The following CP variants were observed in gnomAD, a reference collection of about 807,000 sequenced individuals.
CP encodes caeruloplasmin.
A neutral mutation model predicts 122.4 loss-of-function variants in CP; 64 were observed. That is an observed-to-expected ratio of 0.52 (90% confidence interval 0.43 to 0.64). CP has a LOEUF of 0.64. CP is among the 30% of genes least tolerant of loss of function. CP has a pLI of 0.00. For synonymous variants in CP, 440 were observed against 436.4 expected (o/e 1.01, Z -0.10); for missense variants, 1,167 against 1,284.4 (o/e 0.91, Z 1.40).
Position 149,206,169 on chromosome 3 carries a change from T to A in CP, c.1207A>T (p.Ser403Cys). The A allele has an allele frequency of 6.2e-7, 1 of 1,613,740 alleles. No individual in the cohort carries two copies. The highest frequency in any genetic ancestry group is 8.5e-7 in the Non-Finnish European group (1 of 1,179,660). Residue 403 changes from serine to cysteine, a missense_variant and splice_region_variant, in exon 6 of 19, where the codon AGT becomes TGT. Physicochemically the swap from Ser to Cys is moderately radical, Grantham distance 112 (BLOSUM62 -1). This residue lies in a region of CP where 642 missense variants were observed against 627.3 expected (regional missense o/e 1.02). Transcript: ENST00000264613. ...FTKENLTAPG[S>C]DSAVFFEQGT... ...TAGTACTCTTTTTTTGTAAATTACC[T>A]TCCAGGTGCTGTTAAGTTTTCTTTA...
At chr3:149,213,647 T>C (rs1390933427) in intron 1 of CP, among the ~76,000 whole-genome samples, 1 of 151,084 alleles carries the variant, frequency 6.6e-6, no homozygotes, top group Admixed American at 6.6e-5. Flanking sequence ...TGTGTGTGTG[T>C]GTGTGTGTGT....
chr3:149,200,487 A>C (rs1727228685), intron 7 of CP, among the ~76,000 whole-genome samples: 1 of 152,018 alleles, frequency 6.6e-6, no homozygotes, highest in South Asian at 2.1e-4. Context: ...AGGGACAGAC[A>C]GTGAGTATTT....
downstream of CP, among the ~76,000 whole-genome samples, chr3:149,171,941 G>A (rs6773300): frequency 1.5e-4 from 23 of 151,930 alleles, no homozygotes; most frequent in African/African-American, 4.3e-4. Context: ...TCCTGACCTC[G>A]TGATCTGCCC....
chr3:149,188,013 A>G, intron 10 of CP, 39 bp downstream of exon 10: 2 of 1,608,526 alleles, frequency 1.2e-6, no homozygotes, highest in Non-Finnish European at 1.7e-6. Context: ...ATGCAGTACT[A>G]AAATAACTTG....
At chr3:149,206,424 C>G (rs1421755361) in intron 5 of CP, 85 bp from the exon 6 acceptor site, 1 of 1,488,772 alleles carries the variant, frequency 6.7e-7, no homozygotes, top group Non-Finnish European at 9.4e-7. Flanking sequence ...CGGGTGATGA[C>G]AAGTAGAAAT....
At chr3:149,220,160 T>C (rs1728712305) in intron 1 of CP, among the ~76,000 whole-genome samples, 1 of 152,080 alleles carries the variant, frequency 6.6e-6, no homozygotes, top group Non-Finnish European at 1.5e-5. Flanking sequence ...CTAAACAAAC[T>C]CCTTCACTCT....
Position 149,221,773 on chromosome 3 carries a change from C to A in CP, c.20G>T (p.Gly7Val), listed in dbSNP as rs1728829048. 1 of 1,608,660 alleles carries A rather than the reference C, an allele frequency of 6.2e-7. No homozygotes were observed. Among genetic ancestry groups the A allele is most frequent in the African/African-American group, 1.3e-5 (1 of 74,690 alleles). Residue 7 changes from glycine (G) to valine (V), a missense_variant, in exon 1 of 19, where the codon GGT (glycine) becomes GTT (valine). Gly to Val is a moderately radical substitution (Grantham distance 109). Transcript: ENST00000264613. The stretch of plus-strand genomic sequence containing the variant: ...GGTACTACATAAAAACAGAAAAATA[C>A]CAAGTATCAAAATCTTCATTTTTTT... MKILIL[G>V]IFLFLCSTPA...
chr3:149,176,539 T>C, intron 17 of CP, 127 bp from the exon 18 acceptor site: 1 of 762,042 alleles, frequency 1.3e-6, no homozygotes, highest in Admixed American at 2.3e-5. Flanking sequence ...TCGAGCTCGT[T>C]TCTGTGTTTA....
At chr3:149,218,527 C>T (rs772018120) in intron 1 of CP, among the ~76,000 whole-genome samples, 5 of 152,086 alleles carry the variant, frequency 3.3e-5, no homozygotes, top group Non-Finnish European at 7.4e-5. Context: ...ATACATTTTT[C>T]TCTTTTAATA....
In CP at chr3:149,204,252, C is replaced by G. The variant is rs547071246; in HGVS notation, c.1208+1916G>C. Among the ~76,000 whole-genome samples the G allele has an allele frequency of 2.0e-5, 3 of 152,262 alleles. No individual in the cohort carries two copies. The East Asian group carries it at 5.8e-4, about 29-fold the overall frequency. ...TTCAGGATTAGCATTTTAGGAGGAT[C>G]CCTCTGGCAGATGTTTGGAGAATGT... On this transcript the variant is annotated intron_variant, in intron 6 of 18. Transcript: ENST00000264613.
chr3:149,198,309 T>C, intron 9 of CP, 58 bp downstream of exon 9: 1 of 1,324,320 alleles, frequency 7.6e-7, no homozygotes, highest in Admixed American at 1.7e-5. Context: ...TTTCTATTTC[T>C]GTCAAATGAT....
Position 149,176,312 on chromosome 3 carries a change from C to G in CP, c.3119G>C (p.Cys1040Ser), listed in dbSNP as rs1030156688. 6.2e-7 allele frequency: 1 copy of G among 1,613,378 alleles called. No homozygotes were observed. Among genetic ancestry groups the G allele is most frequent in the African/African-American group, 1.3e-5 (1 of 74,982 alleles). ...PRTPGIWLLH[C>S]HVTDHIHAGM... is the part of the protein sequence containing the mutation. ...AGCATGAATGTGGTCGGTCACATGG[C>G]AGTGGAGTAACCAAATTCCAGGTGT... Residue 1040 changes from cysteine to serine, a missense_variant, in exon 18 of 19, where the codon TGC (cysteine) becomes TCC (serine). Cys to Ser is a moderately radical substitution (Grantham distance 112). Coordinates refer to ENST00000264613, the MANE Select transcript of CP (RefSeq NM_000096.4).
downstream of CP, among the ~76,000 whole-genome samples, chr3:149,167,646 G>T (rs555155767): frequency 5.5e-3 from 834 of 152,112 alleles, 7 homozygotes; most frequent in Non-Finnish European, 7.7e-3. Context: ...GTTACTTCTT[G>T]AAAATAGCCA....
chr3:149,216,175 C>T (rs1728444626), intron 1 of CP, among the ~76,000 whole-genome samples: 1 of 152,044 alleles, frequency 6.6e-6, no homozygotes, highest in Admixed American at 6.6e-5. Flanking sequence ...AAAACAACAC[C>T]CATTTATAAT....
At chr3:149,221,158 C>T (rs34686915) in intron 1 of CP, among the ~76,000 whole-genome samples, 62 of 152,274 alleles carry the variant, frequency 4.1e-4, no homozygotes, top group African/African-American at 1.5e-3. Flanking sequence ...GACCCTGAAG[C>T]TGTGAAAGAT....
chr3:149,217,416 T>C (rs1324452170), intron 1 of CP, among the ~76,000 whole-genome samples: 1 of 152,180 alleles, frequency 6.6e-6, no homozygotes, highest in East Asian at 1.9e-4. Context: ...CAATTCAATG[T>C]AGTAAACAGT....
intron 4 of CP, among the ~76,000 whole-genome samples, 189 bp from the exon 5 acceptor site, chr3:149,207,806 A>G (rs1021285827): frequency 7.2e-5 from 11 of 152,186 alleles, no homozygotes; most frequent in Non-Finnish European, 8.8e-5. Context: ...AACTGAATTC[A>G]GCCTGAGGAT....
chr3:149,162,725 G>A (rs756393105), exon 6 of CP: 1 of 1,614,002 alleles, frequency 6.2e-7, no homozygotes, highest in South Asian at 1.1e-5. Context: ...CAATTCCTCA[G>A]CTCTTGGTAG....
At chr3:149,193,276 T>G (rs1427301039) in intron 9 of CP, among the ~76,000 whole-genome samples, 1 of 152,162 alleles carries the variant, frequency 6.6e-6, no homozygotes, top group Non-Finnish European at 1.5e-5. Flanking sequence ...ATCCTACTGT[T>G]TAGTTAAAAC....
Sources: allele counts gnomAD v4.1 joint callset (sites outside exome capture counted in the v4.1 genomes callset), GRCh38; gene constraint gnomAD v4.1.1; regional missense constraint gnomAD v4.1.1; transcripts MANE v1.5; gene names NCBI Gene and HGNC (gene_info 2026-07-23, HGNC 2026-07-21).